The following PLEKHG1 variants were observed in gnomAD, a reference collection of about 807,000 sequenced individuals.
PLEKHG1 encodes the protein pleckstrin homology domain-containing family G member 1.
Under a neutral mutation model 100.8 loss-of-function variants are expected in PLEKHG1, and 44 were observed. That is an observed-to-expected ratio of 0.44 (90% CI 0.34 to 0.56). The LOEUF is 0.56. PLEKHG1 is among the 20% of genes least tolerant of loss of function. The pLI, the probability that PLEKHG1 is intolerant of heterozygous loss-of-function variation, is 0.01. For missense variants in PLEKHG1, 1,545 were observed against 1,720.9 expected, an observed-to-expected ratio of 0.90 and a Z score of 1.81; for synonymous variants, 640 against 662.5, an observed-to-expected ratio of 0.97 and a Z score of 0.52.
chr6:150,692,063 C>T (rs752309415), intron 3 of PLEKHG1, among the ~76,000 whole-genome samples: 1 of 152,208 alleles, frequency 6.6e-6, no homozygotes, highest in Non-Finnish European at 1.5e-5. Context: ...ATCTGTCAAT[C>T]CCAACTGAAG....
chr6:150,677,600 C>T (rs1023798105), intron 3 of PLEKHG1, among the ~76,000 whole-genome samples: 1 of 152,096 alleles, frequency 6.6e-6, no homozygotes, highest in Non-Finnish European at 1.5e-5. Context: ...TGATACATAC[C>T]CCTCATGTAG....
Position 150,706,995 on chromosome 6 carries a change from TTTC to T in PLEKHG1, c.-98-26586_-98-26584del, listed in dbSNP as rs1438582743. 3.1e-3 allele frequency among the ~76,000 whole-genome samples: 273 copies of T among 88,960 alleles called. 10 individuals carry two copies. The highest frequency in any genetic ancestry group is 8.3e-3 in the African/African-American group (252 of 30,218). The allele number at this position is 88,960 out of a possible 152,430, so 58.4% of individuals were successfully genotyped here. A position where few individuals can be genotyped will look rare whatever the true frequency, so the allele number is the denominator to read the frequency against. ...TTTTTTCTTTTCTTTTCTTTTTCTT[TTTC>T]TTTTTTTTTTTTTTTTTTTTTTTAA... On this transcript the variant is annotated intron_variant, in intron 3 of 3. Transcript: ENST00000367326.
intron 6 of PLEKHG1, among the ~76,000 whole-genome samples, chr6:150,804,175 ATTTTTTTT>A (rs1554276244): frequency 2.3e-5 from 1 of 43,174 alleles, no homozygotes. Context: ...ATATATATAT[ATTTTTTTT>A]TTTTTTTTTT....
intron 1 of PLEKHG1, among the ~76,000 whole-genome samples, chr6:150,721,402 T>TG (rs914365205): frequency 1.1e-4 from 16 of 151,348 alleles, no homozygotes; most frequent in Admixed American, 9.9e-4. Flanking sequence ...GAAGATGATT[T>TG]TTTTCTCCCC....
intron 3 of PLEKHG1, among the ~76,000 whole-genome samples, chr6:150,658,547 A>G (rs1468716882): frequency 1.3e-5 from 2 of 152,126 alleles, no homozygotes; most frequent in African/African-American, 4.8e-5. Context: ...TTGCCAAATC[A>G]TTTGTCTATG....
chr6:150,741,655 A>G (rs1782865037), intron 2 of PLEKHG1, among the ~76,000 whole-genome samples: 1 of 151,192 alleles, frequency 6.6e-6, no homozygotes, highest in African/African-American at 2.5e-5. Flanking sequence ...TACAGAGGAC[A>G]AAGTGACTTA....
intron 4 of PLEKHG1, among the ~76,000 whole-genome samples, chr6:150,789,606 G>A (rs1243679822): frequency 6.6e-6 from 1 of 152,228 alleles, no homozygotes; most frequent in East Asian, 1.9e-4. Flanking sequence ...ATTATGCAAT[G>A]TCAACCTAAT....
chr6:150,665,766 G>T (rs542233890), intron 3 of PLEKHG1, among the ~76,000 whole-genome samples: 254 of 151,774 alleles, frequency 1.7e-3, no homozygotes, highest in African/African-American at 5.8e-3. Context: ...GTCAACTATA[G>T]AATCAGTGGT....
At chr6:150,786,340 C>A in intron 3 of PLEKHG1, 50 bp from the exon 5 acceptor site, 2 of 1,169,194 alleles carry the variant, frequency 1.7e-6, no homozygotes, top group Non-Finnish European at 2.6e-6. Flanking sequence ...AAAATGTACT[C>A]ACCCAGAAGA....
Position 150,762,501 on chromosome 6 carries a change from A to G in PLEKHG1, c.412-6137A>G, listed in dbSNP as rs1562496202. Among the ~76,000 whole-genome samples the G allele has an allele frequency of 2.6e-5, 4 of 151,614 alleles. No homozygotes were observed. The South Asian group carries it at 6.3e-4, about 24-fold the overall frequency. ...GGCATGAGCCACTGTGCCCGGCCCA[A>G]CCCTCTCTTTTTCTTTCTTCCCTTT... On this transcript the variant is annotated intron_variant, in intron 2 of 15. Transcript: ENST00000358517.
intron 2 of PLEKHG1, among the ~76,000 whole-genome samples, chr6:150,763,826 G>A (rs1176015080): frequency 6.6e-6 from 1 of 152,206 alleles, no homozygotes; most frequent in African/African-American, 2.4e-5. Context: ...GGATGAGAAA[G>A]CATCCTTCCT....
chr6:150,638,542 T>C (rs1450098808), intron 2 of PLEKHG1, among the ~76,000 whole-genome samples: 4 of 152,178 alleles, frequency 2.6e-5, no homozygotes, highest in African/African-American at 9.7e-5. Context: ...AGTGTAGAAT[T>C]TCTGAAATGA....
chr6:150,778,245 A>G (rs908133853), intron 3 of PLEKHG1, among the ~76,000 whole-genome samples: 1 of 151,992 alleles, frequency 6.6e-6, no homozygotes, highest in African/African-American at 2.4e-5. Context: ...CTCCCTCCTC[A>G]ACCTCCCAAG....
intron 1 of PLEKHG1, among the ~76,000 whole-genome samples, chr6:150,609,715 A>G (rs895209135): frequency 6.6e-6 from 1 of 152,190 alleles, no homozygotes; most frequent in Non-Finnish European, 1.5e-5. Context: ...GCTGTCATGG[A>G]AAGTTCTGGA....
intron 14 of PLEKHG1, among the ~76,000 whole-genome samples, chr6:150,830,290 C>T (rs1243888546): frequency 6.6e-6 from 1 of 152,164 alleles, no homozygotes; most frequent in Non-Finnish European, 1.5e-5. Context: ...TAGTTCCTGT[C>T]CTTCCCTTTT....
intron 2 of PLEKHG1, among the ~76,000 whole-genome samples, chr6:150,642,534 A>G (rs1421296691): frequency 6.6e-6 from 1 of 152,210 alleles, no homozygotes; most frequent in Non-Finnish European, 1.5e-5. Context: ...TTTTAATATT[A>G]AAGTTGTATT....
chr6:150,795,859 G>A, exon 5 of PLEKHG1: 4 of 1,595,856 alleles, frequency 2.5e-6, no homozygotes, highest in Non-Finnish European at 2.6e-6. Flanking sequence ...CTTGCAGAGT[G>A]AAGAGTTCCA....
At chr6:150,679,377 G>A (rs911350055) in intron 3 of PLEKHG1, among the ~76,000 whole-genome samples, 1 of 152,106 alleles carries the variant, frequency 6.6e-6, no homozygotes, top group Non-Finnish European at 1.5e-5. Flanking sequence ...GAGAAGATGT[G>A]AATATTAAAT....
intron 1 of PLEKHG1, among the ~76,000 whole-genome samples, chr6:150,626,868 C>T (rs1777534032): frequency 6.6e-6 from 1 of 152,148 alleles, no homozygotes; most frequent in East Asian, 1.9e-4. Context: ...CATTGTAGGT[C>T]TAGGTTACAT....
Sources: allele counts gnomAD v4.1 joint callset (sites outside exome capture counted in the v4.1 genomes callset), GRCh38; gene constraint gnomAD v4.1.1; transcripts MANE v1.5; gene names NCBI Gene and HGNC (gene_info 2026-07-23, HGNC 2026-07-21).